FAM81A: variants seen among roughly 807,000 people sequenced by gnomAD.
FAM81A encodes protein FAM81A.
A neutral mutation model predicts 46.7 loss-of-function variants in FAM81A; 19 were observed. The observed-to-expected ratio is 0.41, with a 90% CI of 0.28 to 0.60. The LOEUF is 0.60. FAM81A is among the 20% of genes least tolerant of loss of function. The probability of loss-of-function intolerance (pLI) is 0.34; values close to 1 mark genes in which losing one functional copy is unlikely to be tolerated. For missense variants in FAM81A, 377 were observed against 453.5 expected, an observed-to-expected ratio of 0.83 and a Z score of 1.53; for synonymous variants, 183 against 152.9, an observed-to-expected ratio of 1.20 and a Z score of -1.45.
intron 2 of FAM81A, among the ~76,000 whole-genome samples, chr15:59,421,745 GTCTATCTATCTA>G (rs1242529010): frequency 2.6e-5 from 2 of 76,658 alleles, no homozygotes; most frequent in African/African-American, 8.8e-5. Flanking sequence ...CTATCTATCT[GTCTATCTATCTA>G]TCTATCTATC....
intron 1 of FAM81A, among the ~76,000 whole-genome samples, chr15:59,442,411 C>A (rs972976768): frequency 6.6e-6 from 1 of 151,878 alleles, no homozygotes; most frequent in South Asian, 2.1e-4. Flanking sequence ...TCAGGAGTTC[C>A]AGACCAGCCT....
chr15:59,406,077 A>T (rs1400614089), intron 2 of FAM81A, among the ~76,000 whole-genome samples: 1 of 152,166 alleles, frequency 6.6e-6, no homozygotes, highest in Non-Finnish European at 1.5e-5. Flanking sequence ...GAAGACTGGA[A>T]ATGTGAAACC....
At chr15:59,437,273 G>A (rs1297505141), upstream of FAM81A, among the ~76,000 whole-genome samples, 2 of 152,142 alleles carry the variant, frequency 1.3e-5, no homozygotes, top group African/African-American at 4.8e-5. Context: ...CTGGGGCGGG[G>A]TGGGGGAGAC....
intron 1 of FAM81A, among the ~76,000 whole-genome samples, chr15:59,449,787 A>C (rs1251091913): frequency 1.4e-5 from 2 of 146,822 alleles, no homozygotes; most frequent in Admixed American, 6.7e-5. Context: ...GTCTCAAAAA[A>C]AAAAAAAAAA....
At chr15:59,489,213 C>T (rs1206020997) in intron 3 of FAM81A, among the ~76,000 whole-genome samples, 6 of 151,904 alleles carry the variant, frequency 3.9e-5, no homozygotes, top group African/African-American at 4.8e-5. Flanking sequence ...TGCAGTGAGC[C>T]GAGATTGCGC....
At chr15:59,438,893 G>A (rs2081265936) in intron 1 of FAM81A, 1 of 152,172 alleles carries the variant, frequency 6.6e-6, no homozygotes, top group African/African-American at 2.4e-5. Flanking sequence ...CGGTGGTCCG[G>A]AGAATGGCTT....
At chr15:59,464,366 T>C (rs1374241191) in intron 3 of FAM81A, among the ~76,000 whole-genome samples, 3 of 152,228 alleles carry the variant, frequency 2.0e-5, no homozygotes, top group African/African-American at 4.8e-5. Flanking sequence ...ATGGTAGTTC[T>C]ATTTGTAGTT....
At chr15:59,410,376 C>T (rs1195549097) in intron 2 of FAM81A, among the ~76,000 whole-genome samples, 3 of 152,234 alleles carry the variant, frequency 2.0e-5, no homozygotes, top group African/African-American at 7.2e-5. Context: ...GTTAAGCTAA[C>T]TTATCCAAGG....
chr15:59,507,119 T>C (rs2082157389), intron 4 of FAM81A, 94 bp from the exon 5 acceptor site: 1 of 1,454,080 alleles, frequency 6.9e-7, no homozygotes. Flanking sequence ...TGCACTTTCT[T>C]TGAGTGGGTT....
chr15:59,452,570 C>T (rs866180368), intron 1 of FAM81A, among the ~76,000 whole-genome samples: 4 of 152,126 alleles, frequency 2.6e-5, no homozygotes, highest in Middle Eastern at 3.2e-3. Flanking sequence ...TTGCTTGAGC[C>T]TAGGAATTGG....
chr15:59,471,983 C>T (rs555180205), intron 3 of FAM81A, among the ~76,000 whole-genome samples: 1 of 152,302 alleles, frequency 6.6e-6, no homozygotes, highest in East Asian at 1.9e-4. Context: ...GTCTGTGTTG[C>T]TTTGGTGCCT....
intron 4 of FAM81A, among the ~76,000 whole-genome samples, chr15:59,504,828 A>G (rs567086024): frequency 6.6e-6 from 1 of 152,188 alleles, no homozygotes. Context: ...TGTCAGTCTT[A>G]TTGTCAGTTT....
intron 2 of FAM81A, among the ~76,000 whole-genome samples, chr15:59,405,725 A>C (rs1020724952): frequency 1.4e-4 from 22 of 152,136 alleles, no homozygotes; most frequent in Non-Finnish European, 1.9e-4. Flanking sequence ...AGTGCACTCC[A>C]CACACAAGGA....
intron 8 of FAM81A, among the ~76,000 whole-genome samples, chr15:59,520,111 A>T (rs377132059): frequency 7.7e-4 from 98 of 126,624 alleles, no homozygotes; most frequent in African/African-American, 2.8e-3. Flanking sequence ...TTTTTTTTTT[A>T]AATCACTCAT....
chr15:59,514,274 A>ATTT lies in FAM81A; in HGVS notation c.651-5_651-3dup. ...TAAACTGTTTTACATCTAACTTGCA[A>ATTT]TTTTTTTTTTTTAGATTTAAAGGTA... On this transcript the variant is annotated splice_polypyrimidine_tract_variant and intron_variant, in intron 6 of 8. Transcript: ENST00000288228. 6.1e-6 allele frequency: 7 copies of ATTT among 1,143,744 alleles called. No individual in the cohort carries two copies. The highest frequency in any genetic ancestry group is 3.0e-5 in the East Asian group (1 of 33,228). 70.8% of individuals were successfully genotyped at this position (1,143,744 alleles called of 1,614,324 possible). A position where few individuals can be genotyped will look rare whatever the true frequency, so the allele number is the denominator to read the frequency against.
chr15:59,451,850 A>C (rs2081423071), intron 1 of FAM81A, among the ~76,000 whole-genome samples: 2 of 152,220 alleles, frequency 1.3e-5, no homozygotes, highest in African/African-American at 2.4e-5. Flanking sequence ...GCCAGAATAT[A>C]ATTCAGTTGA....
At chr15:59,437,785 A>G (rs1312174175), upstream of FAM81A, among the ~76,000 whole-genome samples, 3 of 152,154 alleles carry the variant, frequency 2.0e-5, no homozygotes, top group Non-Finnish European at 2.9e-5. Flanking sequence ...TTGCAGTGCC[A>G]CCACCATGGC....
chr15:59,491,234 G>A (rs571667676), intron 3 of FAM81A, among the ~76,000 whole-genome samples: 1 of 152,356 alleles, frequency 6.6e-6, no homozygotes, highest in African/African-American at 2.4e-5. Flanking sequence ...TCAGCCGTAA[G>A]AAAGAATGAG....
chr15:59,410,884 G>T (rs2081117434), intron 2 of FAM81A, among the ~76,000 whole-genome samples: 1 of 152,072 alleles, frequency 6.6e-6, no homozygotes, highest in African/African-American at 2.4e-5. Context: ...CTGAATAGCT[G>T]GGATTACAGG....
Sources: allele counts gnomAD v4.1 joint callset (sites outside exome capture counted in the v4.1 genomes callset), GRCh38; gene constraint gnomAD v4.1.1; transcripts MANE v1.5; gene names NCBI Gene and HGNC (gene_info 2026-07-23, HGNC 2026-07-21).